The following TXLNB variants were observed in gnomAD, a reference collection of about 807,000 sequenced individuals.
TXLNB encodes beta-taxilin.
A neutral mutation model predicts 57.4 loss-of-function variants in TXLNB; 37 were observed. The ratio of observed to expected loss-of-function variants is 0.64; its 90% CI spans 0.50 to 0.85. The LOEUF (loss-of-function observed/expected upper bound fraction) is 0.85, where lower values mean the gene tolerates loss of function less well. Among genes scored for constraint, TXLNB ranks in the 40% least tolerant of loss-of-function variants. The probability of loss-of-function intolerance (pLI) is 0.00; values close to 1 mark genes in which losing one functional copy is unlikely to be tolerated. For missense variants in TXLNB, 848 were observed against 825.6 expected, an observed-to-expected ratio of 1.03 and a Z score of -0.33; for synonymous variants, 302 against 309.6, an observed-to-expected ratio of 0.98 and a Z score of 0.26.
intron 4 of TXLNB, 127 bp from the exon 5 acceptor site, chr6:139,262,900 A>C: frequency 1.1e-6 from 1 of 880,230 alleles, no homozygotes; most frequent in Non-Finnish European, 1.7e-6. Context: ...TCTAGAGCTA[A>C]AGCTGCTCAG....
chr6:139,171,636 CT>C, the TXLNB span, among the ~76,000 whole-genome samples: 7 of 151,068 alleles, frequency 4.6e-5, no homozygotes, highest in Non-Finnish European at 7.4e-5. Flanking sequence ...TTTTTTCTTT[CT>C]TTTTTTTTGA....
chr6:139,231,511 A>C, the TXLNB span, among the ~76,000 whole-genome samples: 10 of 152,288 alleles, frequency 6.6e-5, no homozygotes, highest in Admixed American at 5.9e-4. Context: ...ATGTATGTTG[A>C]ATAAATCCTT....
chr6:139,222,241 T>C, the TXLNB span, among the ~76,000 whole-genome samples: 30 of 151,680 alleles, frequency 2.0e-4, no homozygotes, highest in Admixed American at 1.6e-3. Flanking sequence ...TTTGGGAAAA[T>C]TGAAAATAAA....
At chr6:139,164,101 G>C in the TXLNB span, among the ~76,000 whole-genome samples, 78 of 103,776 alleles carry the variant, frequency 7.5e-4, no homozygotes, top group African/African-American at 2.3e-3. Context: ...CTCTCTCTCT[G>C]AGCATCTTCT....
the TXLNB span, among the ~76,000 whole-genome samples, chr6:139,306,918 T>C: frequency 4.6e-5 from 7 of 152,218 alleles, no homozygotes; most frequent in Admixed American, 4.6e-4. Context: ...TGTTTCTTTC[T>C]GTGATGTTTT....
chr6:139,251,300 C>A (rs1776199491), intron 7 of TXLNB, among the ~76,000 whole-genome samples: 1 of 152,184 alleles, frequency 6.6e-6, no homozygotes, highest in Non-Finnish European at 1.5e-5. Context: ...TTCCATCTTG[C>A]AAAATGGAAA....
the TXLNB span, chr6:139,179,904 A>G: frequency 6.6e-6 from 1 of 152,202 alleles, no homozygotes; most frequent in Non-Finnish European, 1.5e-5. Flanking sequence ...TTTTTCGTCT[A>G]TTCTTAATAT....
chr6:139,198,889 T>C, the TXLNB span, among the ~76,000 whole-genome samples: 6 of 152,160 alleles, frequency 3.9e-5, no homozygotes, highest in Non-Finnish European at 8.8e-5. Context: ...TCCTGAACCC[T>C]GTCCATACCT....
downstream of TXLNB, among the ~76,000 whole-genome samples, chr6:139,236,930 G>C (rs2114387723): frequency 6.6e-6 from 1 of 152,196 alleles, no homozygotes; most frequent in Admixed American, 6.5e-5. Flanking sequence ...TATTCTAAAA[G>C]AAACACAAAT....
At chr6:139,210,757 C>T in the TXLNB span, among the ~76,000 whole-genome samples, 29 of 152,172 alleles carry the variant, frequency 1.9e-4, no homozygotes, top group Admixed American at 1.8e-3. Flanking sequence ...ACAGATGGCA[C>T]CTGGAAAATC....
chr6:139,255,458 C>G (rs1038970327), intron 7 of TXLNB, 106 bp downstream of exon 7: 36 of 821,954 alleles, frequency 4.4e-5, no homozygotes, highest in Non-Finnish European at 7.5e-5. Context: ...CCCATCCCCC[C>G]ATCCCCTGCC....
chr6:139,208,494 G>A, the TXLNB span, among the ~76,000 whole-genome samples: 25 of 152,140 alleles, frequency 1.6e-4, 1 homozygote, highest in African/African-American at 5.8e-4. Context: ...AACAAAAAAA[G>A]AAAACTACAG....
At chr6:139,228,490 C>A in the TXLNB span, among the ~76,000 whole-genome samples, 3 of 144,942 alleles carry the variant, frequency 2.1e-5, no homozygotes, top group African/African-American at 7.8e-5. Context: ...CATGCCACTG[C>A]ACCCCAGCCT....
At chr6:139,183,748 C>G in the TXLNB span, among the ~76,000 whole-genome samples, 208 of 152,304 alleles carry the variant, frequency 1.4e-3, 6 homozygotes, top group South Asian at 0.041. Flanking sequence ...AGCCCAGGAG[C>G]AGCCTTTGAG....
chr6:139,278,004 T>TA (rs1776944005), intron 2 of TXLNB, among the ~76,000 whole-genome samples: 1 of 152,222 alleles, frequency 6.6e-6, no homozygotes, highest in Non-Finnish European at 1.5e-5. Flanking sequence ...ATATTTGTAC[T>TA]AAAAAATGAT....
the TXLNB span, among the ~76,000 whole-genome samples, chr6:139,304,983 G>A: frequency 1.3e-5 from 2 of 152,112 alleles, no homozygotes; most frequent in Non-Finnish European, 2.9e-5. Flanking sequence ...GTAAATAACT[G>A]TCTCGTTTGT....
At position 139,242,442 on chromosome 6, in the gene TXLNB, G is replaced by T; in HGVS notation, c.*84C>A. On this transcript the variant is annotated 3_prime_UTR_variant, in exon 10 of 10. Transcript: ENST00000358430. The stretch of plus-strand genomic sequence containing the variant: ...AAGTCTCTTCCATTTGACATCTCTA[G>T]CCCTTAATGCCTTTTTCGGAAGACA... 8.3e-7 allele frequency: 1 copy of T among 1,205,606 alleles called. No homozygotes were observed. Among genetic ancestry groups the T allele is most frequent in the African/African-American group, 1.6e-5 (1 of 64,078 alleles). 74.7% of individuals were successfully genotyped at this position (1,205,606 alleles called of 1,614,324 possible). A position where few individuals can be genotyped will look rare whatever the true frequency, so the allele number is the denominator to read the frequency against.
intron 6 of TXLNB, among the ~76,000 whole-genome samples, chr6:139,257,622 G>T (rs1027309221): frequency 6.6e-6 from 1 of 152,080 alleles, no homozygotes; most frequent in Non-Finnish European, 1.5e-5. Context: ...TGAACGCAGA[G>T]ATCAATCTGG....
At chr6:139,265,106 AAGGTATTC>A (rs1471102088) in intron 4 of TXLNB, among the ~76,000 whole-genome samples, 2 of 152,174 alleles carry the variant, frequency 1.3e-5, no homozygotes, top group African/African-American at 4.8e-5. Context: ...ACATAATCCA[AAGGTATTC>A]AGTAAATGTT....
Sources: allele counts gnomAD v4.1 joint callset (sites outside exome capture counted in the v4.1 genomes callset), GRCh38; gene constraint gnomAD v4.1.1; transcripts MANE v1.5; gene names NCBI Gene and HGNC (gene_info 2026-07-23, HGNC 2026-07-21).